SIPA1L1: variants seen among roughly 807,000 people sequenced by gnomAD.
SIPA1L1 encodes the protein signal induced proliferation associated 1 like 1.
In SIPA1L1, 26 loss-of-function variants were observed where a neutral mutation model predicts 162.7. That is an observed-to-expected ratio of 0.16 (90% CI 0.12 to 0.22). The LOEUF is 0.22. Ranked by LOEUF, SIPA1L1 falls within the 10% of genes least tolerant of loss-of-function variation. The pLI is 1.00. For missense variants in SIPA1L1, 1,874 were observed against 2,241.0 expected (o/e 0.84, Z 3.31); for synonymous variants, 829 against 837.4 (o/e 0.99, Z 0.17).
At chr14:71,702,359 G>A (rs774216137) in intron 14 of SIPA1L1, 22 bp from the exon 15 acceptor site, 2 of 1,613,500 alleles carry the variant, frequency 1.2e-6, no homozygotes, top group South Asian at 2.2e-5. Context: ...TGTTGTCTTT[G>A]CCTTTGCGGA....
rs1002413981 is a variant in SIPA1L1 at position 71,724,851 on chromosome 14, C to T, written c.4614+16C>T. 2.5e-6 allele frequency: 4 copies of T among 1,608,822 alleles called. No homozygotes were observed. The highest frequency in any genetic ancestry group is 2.5e-6 in the Non-Finnish European group (3 of 1,177,616). On this transcript the variant is annotated intron_variant, in intron 19 of 23. Coordinates refer to ENST00000381232, the MANE Select transcript of SIPA1L1 (RefSeq NM_001386936.1). ...GAGTTTTAAGGTACAAGACAGAGCT[C>T]AGGGTAGATGGCAATTAGAAACAAG...
chr14:71,447,102 G>T (rs2045464996), intron 2 of SIPA1L1, among the ~76,000 whole-genome samples: 1 of 150,526 alleles, frequency 6.6e-6, no homozygotes, highest in Non-Finnish European at 1.5e-5. Context: ...TTTTGGTAGA[G>T]ATAGGGTCTC....
chr14:71,482,785 T>C (rs1595700065), intron 2 of SIPA1L1, among the ~76,000 whole-genome samples: 1 of 152,314 alleles, frequency 6.6e-6, no homozygotes, highest in East Asian at 1.9e-4. Flanking sequence ...CTCACCCAAA[T>C]TGAAGTGCTT....
intron 5 of SIPA1L1, among the ~76,000 whole-genome samples, chr14:71,594,614 T>C (rs2035816923): frequency 6.6e-6 from 1 of 152,186 alleles, no homozygotes; most frequent in Non-Finnish European, 1.5e-5. Flanking sequence ...TGCTGAACCA[T>C]GTTGTGTTCT....
intron 4 of SIPA1L1, among the ~76,000 whole-genome samples, chr14:71,559,803 T>C (rs2056638068): frequency 6.7e-6 from 1 of 149,408 alleles, no homozygotes; most frequent in African/African-American, 2.5e-5. Flanking sequence ...AAAATAAGTT[T>C]ATTCCCATTC....
intron 17 of SIPA1L1, among the ~76,000 whole-genome samples, chr14:71,712,126 T>C (rs1055007581): frequency 6.6e-6 from 1 of 152,214 alleles, no homozygotes; most frequent in Non-Finnish European, 1.5e-5. Flanking sequence ...AATGTAGAGA[T>C]ATCTTGACAG....
intron 4 of SIPA1L1, chr14:71,576,570 A>G (rs1322168752): frequency 1.3e-5 from 2 of 152,224 alleles, no homozygotes; most frequent in African/African-American, 4.8e-5. Flanking sequence ...CTGGTGGAAA[A>G]TGATGGGCTC....
At position 71,416,720 on chromosome 14, in the gene SIPA1L1, T is replaced by TACACACACAC. The variant is rs3085177; in HGVS notation, c.-465+95562_-465+95571dup. 3.7e-4 allele frequency among the ~76,000 whole-genome samples: 55 copies of TACACACACAC among 147,842 alleles called. 1 individual carries two copies. The highest frequency in any genetic ancestry group is 3.2e-3 in the East Asian group (16 of 5,006). On this transcript the variant is annotated intron_variant, in intron 2 of 23. Transcript: ENST00000381232. Reference sequence around the variant, plus strand: ...CTATACTCTAAAAGAAAGAAAAATCTACACACACACACACACACACACACA... The same window carrying TACACACACAC: ...CTATACTCTAAAAGAAAGAAAAATCTACACACACACACACACACACACACACACACACACA...
At chr14:71,355,007 G>A (rs2037104155) in intron 2 of SIPA1L1, among the ~76,000 whole-genome samples, 1 of 152,164 alleles carries the variant, frequency 6.6e-6, no homozygotes, top group South Asian at 2.1e-4. Context: ...CCGAGACAAT[G>A]CATACTTGTG....
chr14:71,654,157 A>T (rs2042866362), intron 8 of SIPA1L1, among the ~76,000 whole-genome samples: 1 of 152,178 alleles, frequency 6.6e-6, no homozygotes, highest in South Asian at 2.1e-4. Flanking sequence ...TTTCCCAGTT[A>T]TCTGTGCAAA....
chr14:71,421,026 T>C (rs1441364930), intron 2 of SIPA1L1, among the ~76,000 whole-genome samples: 2 of 152,194 alleles, frequency 1.3e-5, no homozygotes, highest in African/African-American at 2.4e-5. Flanking sequence ...TCTCCCTTTT[T>C]TCATGTAATT....
intron 5 of SIPA1L1, among the ~76,000 whole-genome samples, chr14:71,615,970 T>C (rs1350341541): frequency 6.6e-6 from 1 of 152,162 alleles, no homozygotes; most frequent in Non-Finnish European, 1.5e-5. Flanking sequence ...CACTCCAGTG[T>C]AGGTGACAGA....
intron 2 of SIPA1L1, among the ~76,000 whole-genome samples, chr14:71,360,058 T>G (rs2037653755): frequency 6.6e-6 from 1 of 152,206 alleles, no homozygotes; most frequent in South Asian, 2.1e-4. Flanking sequence ...TCCCATCTTG[T>G]GAGAGTTGAA....
chr14:71,634,883 C>G (rs1333805870), intron 7 of SIPA1L1, among the ~76,000 whole-genome samples: 1 of 151,246 alleles, frequency 6.6e-6, no homozygotes, highest in Non-Finnish European at 1.5e-5. Flanking sequence ...TTGCAGTGAG[C>G]AGAGATCGTG....
intron 5 of SIPA1L1, among the ~76,000 whole-genome samples, chr14:71,597,173 G>A (rs1323882007): frequency 6.6e-6 from 1 of 151,692 alleles, no homozygotes. Flanking sequence ...GTAGAGATGT[G>A]GTGTCACCAT....
intron 2 of SIPA1L1, among the ~76,000 whole-genome samples, chr14:71,468,493 G>T (rs747293125): frequency 6.6e-6 from 1 of 152,064 alleles, no homozygotes; most frequent in Non-Finnish European, 1.5e-5. Context: ...GATTGGCAGG[G>T]GTGGGTGCCA....
chr14:71,409,594 G>A (rs889871075), intron 2 of SIPA1L1, among the ~76,000 whole-genome samples: 4 of 152,108 alleles, frequency 2.6e-5, no homozygotes, highest in African/African-American at 7.2e-5. Flanking sequence ...AAAGGATTGG[G>A]CTAATCAGAG....
chr14:71,678,459 G>A (rs530819685), intron 12 of SIPA1L1, among the ~76,000 whole-genome samples: 2 of 152,262 alleles, frequency 1.3e-5, no homozygotes, highest in South Asian at 4.1e-4. Flanking sequence ...ATTTGCATAT[G>A]TTGAACCAGC....
intron 22 of SIPA1L1, 64 bp from the exon 23 acceptor site, chr14:71,738,161 TAAAAAAAAAAAAAAAA>T (rs34549978): frequency 5.5e-6 from 2 of 365,742 alleles, no homozygotes; most frequent in Non-Finnish European, 9.3e-6. Context: ...CTCCTCAGAG[TAAAAAAAAAAAAAAAA>T]AAAAAAAAAC....
Sources: allele counts gnomAD v4.1 joint callset (sites outside exome capture counted in the v4.1 genomes callset), GRCh38; gene constraint gnomAD v4.1.1; transcripts MANE v1.5; gene names NCBI Gene and HGNC (gene_info 2026-07-23, HGNC 2026-07-21).